Variants in GABRA3 observed in about 807,000 individuals in gnomAD.
GABRA3 encodes the protein gamma-aminobutyric acid receptor subunit alpha-3.
In GABRA3, 10 loss-of-function variants were observed where a neutral mutation model predicts 30.1. That is an observed-to-expected ratio of 0.33 (90% CI 0.20 to 0.56). The LOEUF (loss-of-function observed/expected upper bound fraction) is 0.56, where lower values mean the gene tolerates loss of function less well. Ranked by LOEUF, GABRA3 falls within the 20% of genes least tolerant of loss-of-function variation. The pLI is 0.89. For synonymous variants in GABRA3, 151 were observed against 146.8 expected (o/e 1.03, Z -0.21); for missense variants, 233 against 392.0 (o/e 0.59, Z 3.42).
At chrX:152,399,014 G>A (rs927544365) in intron 1 of GABRA3, among the ~76,000 whole-genome samples, 6 of 111,207 alleles carry the variant, frequency 5.4e-5, no homozygotes, top group African/African-American at 2.0e-4. Flanking sequence ...TTGATGGCTT[G>A]GGGAGAACTA....
At chrX:152,265,615 C>A (rs777923773) in intron 4 of GABRA3, among the ~76,000 whole-genome samples, 2 of 110,629 alleles carry the variant, frequency 1.8e-5, no homozygotes, top group South Asian at 3.8e-4. Context: ...CAAACCAAGC[C>A]CAACATTAGT....
chrX:152,357,901 C>G, intron 2 of GABRA3, among the ~76,000 whole-genome samples: 1 of 110,700 alleles, frequency 9.0e-6, no homozygotes, highest in South Asian at 3.9e-4. Context: ...ATTCGGTTCC[C>G]TTGGTCTAGG....
At chrX:152,289,972 A>T (rs946364564) in intron 3 of GABRA3, among the ~76,000 whole-genome samples, 1 of 112,108 alleles carries the variant, frequency 8.9e-6, no homozygotes, top group African/African-American at 3.2e-5. Flanking sequence ...GTGCCACAAT[A>T]AACATATGTG....
chrX:152,362,502 T>C (rs147006281), intron 2 of GABRA3, among the ~76,000 whole-genome samples: 3,999 of 111,368 alleles, frequency 0.036, 165 homozygotes, highest in African/African-American at 0.12. Context: ...GTTTGTACCT[T>C]ATTGTAGGGA....
intron 9 of GABRA3, among the ~76,000 whole-genome samples, chrX:152,186,329 G>A (rs1290726728): frequency 2.8e-5 from 3 of 108,621 alleles, no homozygotes; most frequent in Non-Finnish European, 5.7e-5. Context: ...TGATTCTCCC[G>A]TCTCAGCCTC....
chrX:152,236,585 G>C (rs1285783699), intron 5 of GABRA3, among the ~76,000 whole-genome samples: 3 of 103,320 alleles, frequency 2.9e-5, no homozygotes, highest in Non-Finnish European at 5.9e-5. Context: ...CTTCCACAAT[G>C]GTTGAACTAG....
intron 5 of GABRA3, among the ~76,000 whole-genome samples, chrX:152,247,272 A>C (rs1353556926): frequency 2.7e-5 from 3 of 111,787 alleles, no homozygotes; most frequent in African/African-American, 9.7e-5. Flanking sequence ...GGACACTATT[A>C]CTGTGTAACG....
At chrX:152,328,311 T>C (rs1453570975) in intron 3 of GABRA3, among the ~76,000 whole-genome samples, 1 of 111,611 alleles carries the variant, frequency 9.0e-6, no homozygotes, top group Non-Finnish European at 1.9e-5. Flanking sequence ...ACTATTCCAA[T>C]CAATAGAAGA....
intron 1 of GABRA3, among the ~76,000 whole-genome samples, chrX:152,377,067 C>T (rs779707040): frequency 8.3e-4 from 93 of 111,897 alleles, no homozygotes; most frequent in African/African-American, 3.0e-3. Flanking sequence ...TACTATACAA[C>T]ACATGTTTCA....
At chrX:152,441,321 C>T (rs1368697809) in intron 1 of GABRA3, among the ~76,000 whole-genome samples, 1 of 111,465 alleles carries the variant, frequency 9.0e-6, no homozygotes, top group Non-Finnish European at 1.9e-5. Context: ...AATTTACCAA[C>T]CTTCATCAAA....
intron 5 of GABRA3, among the ~76,000 whole-genome samples, chrX:152,252,359 G>A (rs1938570637): frequency 9.0e-6 from 1 of 111,280 alleles, no homozygotes; most frequent in Admixed American, 9.6e-5. Context: ...TGTGTAAACA[G>A]GGTAAAGTGC....
At chrX:152,271,031 A>G (rs7891192) in intron 4 of GABRA3, among the ~76,000 whole-genome samples, 23,019 of 105,202 alleles carry the variant, frequency 0.22, 2,672 homozygotes, top group African/African-American at 0.43. Flanking sequence ...GTGCAAACTC[A>G]GCTCACTGCA....
At chrX:152,426,353 TGATA>T (rs768149537) in intron 1 of GABRA3, among the ~76,000 whole-genome samples, 6 of 111,976 alleles carry the variant, frequency 5.4e-5, no homozygotes, top group African/African-American at 1.9e-4. Context: ...GCTGCACAAG[TGATA>T]GATAGGGTTA....
intron 5 of GABRA3, among the ~76,000 whole-genome samples, chrX:152,239,832 T>C (rs771539520): frequency 3.5e-4 from 37 of 104,499 alleles, no homozygotes; most frequent in Non-Finnish European, 6.3e-4. Flanking sequence ...CCTTTTTTTG[T>C]TTTCCATTAG....
intron 1 of GABRA3, among the ~76,000 whole-genome samples, chrX:152,428,216 C>T (rs1272000006): frequency 8.9e-6 from 1 of 111,828 alleles, no homozygotes; most frequent in Non-Finnish European, 1.9e-5. Flanking sequence ...TGGCCCCGTC[C>T]TAACAGTGCA....
intron 1 of GABRA3, among the ~76,000 whole-genome samples, chrX:152,400,651 T>C (rs1929771146): frequency 8.9e-6 from 1 of 112,036 alleles, no homozygotes; most frequent in Non-Finnish European, 1.9e-5. Context: ...ACTTTGCATA[T>C]GGAATAGTTG....
chrX:152,383,073 A>C (rs918457283), intron 1 of GABRA3, among the ~76,000 whole-genome samples: 2 of 110,586 alleles, frequency 1.8e-5, no homozygotes, highest in Non-Finnish European at 3.8e-5. Flanking sequence ...GCTAGACAAG[A>C]ACACACACAC....
intron 1 of GABRA3, among the ~76,000 whole-genome samples, chrX:152,387,021 A>C (rs1205326171): frequency 9.3e-6 from 1 of 107,064 alleles, no homozygotes; most frequent in African/African-American, 3.4e-5. Flanking sequence ...ATTGGAAATC[A>C]TCATTCTCAG....
At chrX:152,180,070 A>G (rs987668131) in intron 9 of GABRA3, among the ~76,000 whole-genome samples, 21 of 111,882 alleles carry the variant, frequency 1.9e-4, no homozygotes, top group African/African-American at 6.8e-4. Context: ...TTCTTTGGAT[A>G]TATACCCAGT....
Sources: allele counts gnomAD v4.1 joint callset (sites outside exome capture counted in the v4.1 genomes callset), GRCh38; gene constraint gnomAD v4.1.1; transcripts MANE v1.5; gene names NCBI Gene and HGNC (gene_info 2026-07-23, HGNC 2026-07-21).